The following KCNQ1 variants were observed in gnomAD, a reference collection of about 807,000 sequenced individuals.
KCNQ1 encodes the protein potassium voltage-gated channel subfamily KQT member 1.
KCNQ1 carries 49 observed loss-of-function variants against 72.4 expected under a neutral mutation model. The ratio of observed to expected loss-of-function variants is 0.68; its 90% confidence interval spans 0.54 to 0.86. The LOEUF (loss-of-function observed/expected upper bound fraction) is 0.86, where lower values mean the gene tolerates loss of function less well. Among genes scored for constraint, KCNQ1 ranks in the 40% least tolerant of loss-of-function variants. KCNQ1 has a pLI of 0.00. For missense variants in KCNQ1, 790 were observed against 945.1 expected, an observed-to-expected ratio of 0.84 and a Z score of 2.15; for synonymous variants, 450 against 412.6, an observed-to-expected ratio of 1.09 and a Z score of -1.10.
At chr11:2,696,840 T>C (rs922728672) in intron 11 of KCNQ1, 54 of 398,346 alleles carry the variant, frequency 1.4e-4, no homozygotes, top group African/African-American at 1.1e-3. Context: ...TCTATTATGC[T>C]TTTTTTTAGT....
At chr11:2,844,661 A>G (rs1477540273) in intron 15 of KCNQ1, among the ~76,000 whole-genome samples, 1 of 152,176 alleles carries the variant, frequency 6.6e-6, no homozygotes, top group Non-Finnish European at 1.5e-5. Context: ...CCACACCCTC[A>G]GCCTGCACTG....
rs747401229 is a variant in KCNQ1, at chr11:2,678,309, AT to A, written c.1514+16234del. The stretch of plus-strand genomic sequence containing the variant: ...AAATTCTTCCATGTTTTCTTCTATC[AT>A]TTTTTATTTCATTTTTTACATTTAA... On this transcript the variant is annotated intron_variant, in intron 11 of 15. Coordinates refer to ENST00000155840, the MANE Select transcript of KCNQ1 (RefSeq NM_000218.3). The surrounding 1 kb of genome is among the most constrained non-coding windows in gnomAD (Gnocchi z 4.9). 7.5e-6 allele frequency: 3 copies of A among 398,138 alleles called. No individual in the cohort carries two copies. The highest frequency in any genetic ancestry group is 4.1e-5 in the African/African-American group (2 of 48,552). The allele number at this position is 398,138 out of a possible 1,614,324, so 24.7% of individuals were successfully genotyped here.
chr11:2,816,477 T>C lies in KCNQ1; in HGVS notation c.1795-31290T>C, dbSNP rs1847616189. ...GCAGTAACACCCTTGGGACTGAGAA[T>C]GGCTTCTGGGTTGTGCGTCATCGCT... On this transcript the variant is annotated intron_variant, in intron 15 of 15. Transcript: ENST00000155840. The surrounding 1 kb of genome is among the most constrained non-coding windows in gnomAD (Gnocchi z 6.8). Among the ~76,000 whole-genome samples the C allele has an allele frequency of 6.6e-6, 1 of 152,178 alleles. No homozygotes were observed. The highest frequency in any genetic ancestry group is 1.5e-5 in the Non-Finnish European group (1 of 68,020).
Position 2,509,701 on chromosome 11 carries a change from G to C in KCNQ1, c.387-18227G>C, listed in dbSNP as rs992413522. ...CTTTGTTCCTCCTCAGCTGTGAACT[G>C]TCTGGGACTGGGCCAGGAGACAGTC... On this transcript the variant is annotated intron_variant, in intron 1 of 15. Transcript: ENST00000155840. The surrounding 1 kb of genome is among the most constrained non-coding windows in gnomAD (Gnocchi z 6.3). Among the ~76,000 whole-genome samples the C allele has an allele frequency of 4.6e-5, 7 of 152,116 alleles. No homozygotes were observed. Among genetic ancestry groups the C allele is most frequent in the Admixed American group, 3.9e-4 (6 of 15,280 alleles).
rs199472800 is a variant in KCNQ1 at position 2,776,033 on chromosome 11, G to A, written c.1664G>A (p.Arg555His). The A allele has an allele frequency of 2.2e-5, 34 of 1,566,228 alleles. No individual in the cohort carries two copies. The highest frequency in any genetic ancestry group is 2.4e-5 in the Non-Finnish European group (28 of 1,155,618). ...CAGGGCCACCTCAACCTCATGGTGCGCATCAAGGAGCTGCAGAGGAGGTGG... is the reference window on the plus strand; with the variant it reads ...CAGGGCCACCTCAACCTCATGGTGCACATCAAGGAGCTGCAGAGGAGGTGG... ...YSQGHLNLMV[R>H]IKELQRRLDQ... Residue 555 changes from arginine to histidine, a missense_variant, in exon 13 of 16, where the codon CGC (arginine) becomes CAC (histidine). Coordinates refer to ENST00000155840, the MANE Select transcript of KCNQ1 (RefSeq NM_000218.3).
Position 2,574,332 on chromosome 11 carries a change from C to T in KCNQ1, c.921+1346C>T, listed in dbSNP as rs146552524. ...TGCCCCCGCGTCTGCCCTTGTCTAC[C>T]GACCTCCGGGCTCACTCAGTCCGAT... On this transcript the variant is annotated intron_variant, in intron 6 of 15. Coordinates refer to ENST00000155840, the MANE Select transcript of KCNQ1 (RefSeq NM_000218.3). Among the ~76,000 whole-genome samples, 1,508 of 152,284 alleles carry T rather than the reference C, an allele frequency of 9.9e-3. 22 individuals carry two copies. The highest frequency in any genetic ancestry group is 0.033 in the East Asian group (173 of 5,170).
rs140813049 is a variant in KCNQ1, at chr11:2,519,409, G to C, written c.387-8519G>C. ...TTCCATTAAGGATCTGGAGGTGAGA[G>C]GATGAAAAGGAAACTCTGAGCTTTG... is the stretch of plus-strand genomic sequence containing the variant. On this transcript the variant is annotated intron_variant, in intron 1 of 15. Coordinates refer to ENST00000155840, the MANE Select transcript of KCNQ1 (RefSeq NM_000218.3). 1.0e-3 allele frequency among the ~76,000 whole-genome samples: 156 copies of C among 152,326 alleles called. 4 individuals carry two copies. The East Asian group carries it at 0.018, about 17-fold the overall frequency.
intron 2 of KCNQ1, among the ~76,000 whole-genome samples, chr11:2,569,698 C>T (rs1385088562): frequency 1.3e-5 from 2 of 152,230 alleles, no homozygotes; most frequent in African/African-American, 2.4e-5. Context: ...CGCTGGGCTC[C>T]AGCCTGCAGG....
chr11:2,842,057 G>A (rs2005833), intron 15 of KCNQ1, among the ~76,000 whole-genome samples: 91,127 of 152,100 alleles, frequency 0.6, 29,351 homozygotes, highest in Non-Finnish European at 0.74. Context: ...CCCCAGCCGC[G>A]GCAGAGCTTC....
At chr11:2,542,577 C>A (rs1394081044) in intron 2 of KCNQ1, among the ~76,000 whole-genome samples, 2 of 152,226 alleles carry the variant, frequency 1.3e-5, no homozygotes, top group Non-Finnish European at 2.9e-5. Context: ...ACATCCGTCA[C>A]CCCCAGAAGG....
In KCNQ1 at chr11:2,481,350, C is replaced by T. The variant is rs549142769; in HGVS notation, c.386+35866C>T. ...AGTTTCCTGCTAGTCTTTTTCTCGG[C>T]GTGTGTGTGTGCGCGCGTGCATGCA... On this transcript the variant is annotated intron_variant, in intron 1 of 15. Coordinates refer to ENST00000155840, the MANE Select transcript of KCNQ1 (RefSeq NM_000218.3). The surrounding 1 kb of genome is among the most constrained non-coding windows in gnomAD (Gnocchi z 4.6). Among the ~76,000 whole-genome samples, 27 of 152,210 alleles carry T rather than the reference C, an allele frequency of 1.8e-4. No homozygotes were observed. The highest frequency in any genetic ancestry group is 5.8e-4 in the African/African-American group (24 of 41,510).
intron 2 of KCNQ1, among the ~76,000 whole-genome samples, chr11:2,531,011 C>T (rs116817105): frequency 1.7e-3 from 264 of 152,240 alleles, no homozygotes; most frequent in African/African-American, 6.0e-3. Flanking sequence ...CCGGTGCTAA[C>T]GTGAGCCCAC....
rs1352377883 is a variant in KCNQ1 at position 2,683,538 on chromosome 11, AAG to A, written c.1514+21460_1514+21461del. On this transcript the variant is annotated intron_variant, in intron 11 of 15. Coordinates refer to ENST00000155840, the MANE Select transcript of KCNQ1 (RefSeq NM_000218.3). The surrounding 1 kb of genome is among the most constrained non-coding windows in gnomAD (Gnocchi z 4.7). ...TAGTTCAGAGTAAACATTTCTAAAAAAGAGGTAGAAGCCCCTACCTACTGACT... is the reference window on the plus strand; with the variant it reads ...TAGTTCAGAGTAAACATTTCTAAAAAAGGTAGAAGCCCCTACCTACTGACT... 1.3e-5 allele frequency: 5 copies of A among 398,560 alleles called. No homozygotes were observed. The highest frequency in any genetic ancestry group is 2.2e-5 in the Non-Finnish European group (5 of 226,084). The allele number at this position is 398,560 out of a possible 1,614,324, so 24.7% of individuals were successfully genotyped here. A position where few individuals can be genotyped will look rare whatever the true frequency, so the allele number is the denominator to read the frequency against.
In KCNQ1 at chr11:2,824,459, G is replaced by A. The variant is rs1847798763; in HGVS notation, c.1795-23308G>A. Among the ~76,000 whole-genome samples the A allele has an allele frequency of 6.6e-6, 1 of 152,232 alleles. No homozygotes were observed. ...AAACGATTCATCCAGACAGGAGCAG[G>A]GAGGAGGACACGCAGGGCCTGAAAG... On this transcript the variant is annotated intron_variant, in intron 15 of 15. Transcript: ENST00000155840. This position sits in a 1 kb window ranked among gnomAD's most constrained non-coding sequence, Gnocchi z 5.9.
In KCNQ1 at chr11:2,479,904, AT is replaced by A. The variant is rs571949465; in HGVS notation, c.386+34423del. ...CTCTTGAAAGCTTTGCAGCTTAGAA[AT>A]TTCTTCCACCAAATACCCTAAATCA... is the stretch of plus-strand genomic sequence containing the variant. On this transcript the variant is annotated intron_variant, in intron 1 of 15. Coordinates refer to ENST00000155840, the MANE Select transcript of KCNQ1 (RefSeq NM_000218.3). The surrounding 1 kb of genome is among the most constrained non-coding windows in gnomAD (Gnocchi z 4.6). Among the ~76,000 whole-genome samples, 1 of 152,190 alleles carries A rather than the reference AT, an allele frequency of 6.6e-6. No individual in the cohort carries two copies. The highest frequency in any genetic ancestry group is 1.5e-5 in the Non-Finnish European group (1 of 68,036).
At chr11:2,548,440 C>T (rs1350552981) in intron 2 of KCNQ1, among the ~76,000 whole-genome samples, 1 of 152,172 alleles carries the variant, frequency 6.6e-6, no homozygotes, top group Non-Finnish European at 1.5e-5. Flanking sequence ...GATTTCATAG[C>T]GAACAAAGAA....
At chr11:2,527,315 G>A (rs1045617010) in intron 1 of KCNQ1, among the ~76,000 whole-genome samples, 26 of 152,294 alleles carry the variant, frequency 1.7e-4, no homozygotes, top group Admixed American at 1.4e-3. Flanking sequence ...CCCACCTGGC[G>A]GGCTGGCTTC....
At chr11:2,641,902 T>C in intron 10 of KCNQ1, 2 of 398,490 alleles carry the variant, frequency 5.0e-6, no homozygotes, top group Non-Finnish European at 8.9e-6. Flanking sequence ...CTTTTCCCAG[T>C]GTATGTTCTT....
intron 11 of KCNQ1, among the ~76,000 whole-genome samples, chr11:2,754,604 C>T (rs1846271804): frequency 6.6e-6 from 1 of 152,110 alleles, no homozygotes; most frequent in South Asian, 2.1e-4. Flanking sequence ...TGGCATGTGA[C>T]CAAGGAGGTG....
Sources: gnomAD v4.1 joint callset for allele counts (sites outside exome capture counted in the v4.1 genomes callset) on GRCh38, gnomAD v4.1.1 for gene constraint, Gnocchi (gnomAD v3.1) non-coding constraint, MANE v1.5 for transcripts, NCBI Gene and HGNC (gene_info 2026-07-23, HGNC 2026-07-21) for gene names.